BANK1: variants seen among roughly 807,000 people sequenced by gnomAD.
BANK1 encodes the protein B-cell scaffold protein with ankyrin repeats.
In BANK1, 95 loss-of-function variants were observed where a neutral mutation model predicts 94.5. The observed-to-expected ratio is 1.00, with a 90% CI of 0.85 to 1.19. The LOEUF (loss-of-function observed/expected upper bound fraction) is 1.19. Ranked by LOEUF, BANK1 falls within the 50% of genes most tolerant of loss-of-function variation. The pLI is 0.00. For missense variants in BANK1, 987 were observed against 932.2 expected, an observed-to-expected ratio of 1.06 and a Z score of -0.77; for synonymous variants, 334 against 308.4, an observed-to-expected ratio of 1.08 and a Z score of -0.87.
At chr4:101,814,042 G>C (rs1725811817) in intron 1 of BANK1, 1 of 325,106 alleles carries the variant, frequency 3.1e-6, no homozygotes, top group Non-Finnish European at 4.4e-6. Context: ...GTTTGCTAAA[G>C]TTATGTTTTA....
Position 102,021,493 on chromosome 4 carries a change from TA to T in BANK1, c.1207-16del, listed in dbSNP as rs1726897263. 1.7e-6 allele frequency: 2 copies of T among 1,198,544 alleles called. No homozygotes were observed. Among genetic ancestry groups the T allele is most frequent in the Non-Finnish European group, 2.4e-6 (2 of 850,044 alleles). 74.2% of individuals were successfully genotyped at this position (1,198,544 alleles called of 1,614,324 possible). ...ATTTATTAAGATTAATGCATATTAT[TA>T]AAAATTACATTTTTTTCAGATCCAA... On this transcript the variant is annotated intron_variant, in intron 7 of 16. Transcript: ENST00000322953.
intron 6 of BANK1, among the ~76,000 whole-genome samples, chr4:101,903,151 A>T (rs1049991482): frequency 1.3e-5 from 2 of 152,350 alleles, no homozygotes; most frequent in African/African-American, 4.8e-5. Context: ...TATTAGCCCC[A>T]TCTGTAAAAA....
At position 101,864,488 on chromosome 4, in the gene BANK1, T is replaced by G. The variant is rs769158154; in HGVS notation, c.763+1824T>G. On this transcript the variant is annotated intron_variant, in intron 4 of 16. Coordinates refer to ENST00000322953, the MANE Select transcript of BANK1 (RefSeq NM_017935.5). ...AGCTCGAACAGTAAAGAGCCCATTT[T>G]TACAAGAAAAAGCTGAACCACTACA... Among the ~76,000 whole-genome samples the G allele has an allele frequency of 7.2e-5, 11 of 152,178 alleles. No homozygotes were observed. In the South Asian group the frequency reaches 1.0e-3, roughly 14 times the overall value.
intron 2 of BANK1, among the ~76,000 whole-genome samples, chr4:101,835,756 C>A (rs1221879074): frequency 6.6e-6 from 1 of 152,104 alleles, no homozygotes; most frequent in East Asian, 1.9e-4. Context: ...AAATGAAGTC[C>A]TTCCTTTTTG....
chr4:102,030,832 T>C (rs1009681642), intron 10 of BANK1, among the ~76,000 whole-genome samples: 3 of 152,188 alleles, frequency 2.0e-5, no homozygotes, highest in African/African-American at 7.2e-5. Context: ...CTTTATCCAG[T>C]CTACTATTGA....
At chr4:102,035,455 T>C (rs909558999) in intron 10 of BANK1, among the ~76,000 whole-genome samples, 2 of 152,238 alleles carry the variant, frequency 1.3e-5, no homozygotes, top group Admixed American at 6.5e-5. Context: ...GAGACCATCC[T>C]GGCTAACACG....
At chr4:101,977,317 C>T (rs1332507174) in intron 7 of BANK1, among the ~76,000 whole-genome samples, 1 of 152,144 alleles carries the variant, frequency 6.6e-6, no homozygotes, top group Non-Finnish European at 1.5e-5. Context: ...CTGACAAAGC[C>T]AGGCACATGG....
intron 6 of BANK1, among the ~76,000 whole-genome samples, chr4:101,917,285 A>G (rs1722858222): frequency 6.6e-6 from 1 of 152,020 alleles, no homozygotes; most frequent in South Asian, 2.1e-4. Flanking sequence ...ATAATAACAA[A>G]CCATCATTCA....
intron 7 of BANK1, among the ~76,000 whole-genome samples, chr4:102,003,753 G>A (rs1439384424): frequency 6.6e-6 from 1 of 151,858 alleles, no homozygotes; most frequent in Non-Finnish European, 1.5e-5. Context: ...GAAGTAGAGG[G>A]CATGGGAAAT....
rs750150203 is a variant in BANK1 at position 101,830,215 on chromosome 4, G to A, written c.469+9G>A. 1 of 1,465,190 alleles carries A rather than the reference G, an allele frequency of 6.8e-7. No homozygotes were observed. Among genetic ancestry groups the A allele is most frequent in the Admixed American group, 2.5e-5 (1 of 39,356 alleles). The allele number at this position is 1,465,190 out of a possible 1,614,324, so 90.8% of individuals were successfully genotyped here. On this transcript the variant is annotated intron_variant, in intron 2 of 16. Transcript: ENST00000322953. ...GAGTATCATATTCAAAGGTAGTGTT[G>A]CCAAACCTTGTTTGTTTTATTTTTA...
chr4:102,067,189 A>G (rs1728622776), intron 13 of BANK1, among the ~76,000 whole-genome samples: 2 of 152,128 alleles, frequency 1.3e-5, no homozygotes, highest in South Asian at 4.1e-4. Context: ...AATAAAATAG[A>G]TTATTAAAAA....
At chr4:101,847,903 A>T (rs1727316507) in intron 2 of BANK1, among the ~76,000 whole-genome samples, 1 of 152,036 alleles carries the variant, frequency 6.6e-6, no homozygotes, top group Non-Finnish European at 1.5e-5. Context: ...TCAAATTGTT[A>T]CAAAGTTCAG....
At chr4:101,962,242 C>T (rs1456576582) in intron 7 of BANK1, among the ~76,000 whole-genome samples, 4 of 152,160 alleles carry the variant, frequency 2.6e-5, no homozygotes, top group African/African-American at 9.6e-5. Context: ...CCCCTTCAGA[C>T]TCTCCATCTT....
At chr4:101,844,669 A>G (rs779225988) in intron 2 of BANK1, among the ~76,000 whole-genome samples, 10 of 152,230 alleles carry the variant, frequency 6.6e-5, no homozygotes, top group Admixed American at 4.6e-4. Context: ...TAAAAACTCA[A>G]TTCTTAGTAA....
At chr4:101,955,937 G>C (rs1293752817) in intron 7 of BANK1, among the ~76,000 whole-genome samples, 2 of 152,032 alleles carry the variant, frequency 1.3e-5, no homozygotes, top group Non-Finnish European at 2.9e-5. Flanking sequence ...GAAATAATTG[G>C]AAATAATTGA....
At chr4:102,060,107 A>AGAGT in intron 11 of BANK1, 104 bp from the exon 12 acceptor site, 1 of 1,009,766 alleles carries the variant, frequency 9.9e-7, no homozygotes, top group East Asian at 2.8e-5. Flanking sequence ...CTGCTCATAG[A>AGAGT]GAGTTAAGAA....
chr4:102,018,771 T>C (rs1407307539), intron 7 of BANK1, among the ~76,000 whole-genome samples: 1 of 151,956 alleles, frequency 6.6e-6, no homozygotes, highest in Non-Finnish European at 1.5e-5. Flanking sequence ...CAAAAGCAAA[T>C]GAATAAAACT....
At chr4:101,986,809 A>ATGTATATATATG (rs1725497618) in intron 7 of BANK1, among the ~76,000 whole-genome samples, 10 of 82,236 alleles carry the variant, frequency 1.2e-4, no homozygotes, top group East Asian at 2.9e-4. Context: ...GTGTATATAT[A>ATGTATATATATG]TGTATATATA....
At chr4:101,886,072 C>G (rs1473005479) in intron 5 of BANK1, among the ~76,000 whole-genome samples, 1 of 152,188 alleles carries the variant, frequency 6.6e-6, no homozygotes, top group African/African-American at 2.4e-5. Flanking sequence ...TATATGAGGT[C>G]TGTCATTGAC....
Sources: gnomAD v4.1 joint callset for allele counts (sites outside exome capture counted in the v4.1 genomes callset) on GRCh38, gnomAD v4.1.1 for gene constraint, MANE v1.5 for transcripts, NCBI Gene and HGNC (gene_info 2026-07-23, HGNC 2026-07-21) for gene names.